The following DNMT1 variants were observed in gnomAD, a reference collection of about 807,000 sequenced individuals.
The protein encoded by DNMT1 is DNA methyltransferase 1, also known as DNA (cytosine-5)-methyltransferase 1.
DNMT1 carries 24 observed loss-of-function variants against 205.3 expected under a neutral mutation model. The observed-to-expected ratio is 0.12, with a 90% CI of 0.08 to 0.16. The LOEUF (loss-of-function observed/expected upper bound fraction) is 0.16, where lower values mean the gene tolerates loss of function less well. Ranked by LOEUF, DNMT1 falls within the 10% of genes least tolerant of loss-of-function variation. The pLI is 1.00. For missense variants in DNMT1, 1,293 were observed against 2,177.7 expected, an observed-to-expected ratio of 0.59 and a Z score of 8.09; for synonymous variants, 817 against 839.8, an observed-to-expected ratio of 0.97 and a Z score of 0.47.
intron 10 of DNMT1, among the ~76,000 whole-genome samples, chr19:10,168,084 C>T (rs554862570): frequency 6.6e-6 from 1 of 152,146 alleles, no homozygotes; most frequent in South Asian, 2.1e-4. Context: ...GATTGCACCA[C>T]TGTACTCCAG....
intron 11 of DNMT1, among the ~76,000 whole-genome samples, chr19:10,163,902 G>A (rs1246343290): frequency 6.6e-6 from 1 of 151,688 alleles, no homozygotes; most frequent in Non-Finnish European, 1.5e-5. Flanking sequence ...ATATATATAT[G>A]ACACAGGCTG....
chr19:10,193,952 G>A (rs905529595), intron 1 of DNMT1, among the ~76,000 whole-genome samples: 9 of 152,244 alleles, frequency 5.9e-5, no homozygotes, highest in Admixed American at 5.2e-4. Context: ...CCTTGTGCAC[G>A]GAAGTTGGAC....
At chr19:10,160,187 G>A (rs1312032972) in intron 14 of DNMT1, 124 bp from the exon 15 acceptor site, 5 of 1,567,396 alleles carry the variant, frequency 3.2e-6, no homozygotes, top group Non-Finnish European at 4.3e-6. Context: ...GTGGCAGTGA[G>A]GCCCAGGCGC....
intron 9 of DNMT1, among the ~76,000 whole-genome samples, chr19:10,170,360 C>T (rs555855696): frequency 9.3e-4 from 141 of 152,054 alleles, no homozygotes; most frequent in Non-Finnish European, 1.8e-3. Flanking sequence ...GTACAGCGGC[C>T]GGATGCAGTG....
At chr19:10,167,377 A>T in intron 10 of DNMT1, among the ~76,000 whole-genome samples, 1 of 151,808 alleles carries the variant, frequency 6.6e-6, no homozygotes, top group Non-Finnish European at 1.5e-5. Context: ...TTGTATTTTT[A>T]TTAGAGACGG....
intron 8 of DNMT1, 144 bp from the exon 9 acceptor site, chr19:10,173,318 G>T: frequency 1.3e-6 from 1 of 794,342 alleles, no homozygotes; most frequent in South Asian, 1.5e-5. Flanking sequence ...TTAACATTTA[G>T]TATTTGATAT....
intron 17 of DNMT1, among the ~76,000 whole-genome samples, chr19:10,157,231 AC>A (rs1287903370): frequency 3.3e-5 from 5 of 151,986 alleles, no homozygotes; most frequent in African/African-American, 1.2e-4. Context: ...CCCGGCAACC[AC>A]CAATCTGCTT....
intron 1 of DNMT1, among the ~76,000 whole-genome samples, chr19:10,190,587 C>G (rs1199823301): frequency 6.6e-6 from 1 of 151,726 alleles, no homozygotes; most frequent in Non-Finnish European, 1.5e-5. Context: ...ACACGGTAAA[C>G]CCCGGTTTCT....
intron 1 of DNMT1, among the ~76,000 whole-genome samples, chr19:10,192,854 C>T (rs2039328394): frequency 6.6e-6 from 1 of 152,070 alleles, no homozygotes; most frequent in Non-Finnish European, 1.5e-5. Flanking sequence ...CGAGACCAGC[C>T]TGACCAACAT....
In DNMT1 at chr19:10,194,896, G is replaced by C. The variant is rs763647098; in HGVS notation, c.4C>G (p.Pro2Ala). 2 of 1,608,224 alleles carry C rather than the reference G, an allele frequency of 1.2e-6. No individual in the cohort carries two copies. The highest frequency in any genetic ancestry group is 1.7e-6 in the Non-Finnish European group (2 of 1,177,650). Residue 2 changes from proline to alanine, a missense_variant, in exon 1 of 41, where the codon CCG (proline) becomes GCG (alanine). By Grantham distance (27) the Pro-to-Ala change is conservative. Transcript: ENST00000359526. The part of the protein sequence containing the change: M[P>A]ARTAPARVPT... Reference sequence around the variant, plus strand: ...ACCCGGGCTGGGGCGGTACGCGCCGGCATCTCGGAGGCTTCAGCAGACGCG... The same window carrying C: ...ACCCGGGCTGGGGCGGTACGCGCCGCCATCTCGGAGGCTTCAGCAGACGCG...
intron 5 of DNMT1, 114 bp downstream of exon 5, chr19:10,180,073 G>A (rs1296813177): frequency 2.1e-6 from 1 of 477,124 alleles, no homozygotes; most frequent in Non-Finnish European, 3.8e-6. Flanking sequence ...CAGCACTTTG[G>A]GAGGCCAAGG....
chr19:10,133,827 AAGTG>A lies in DNMT1; in HGVS notation c.4865-130_4865-127del. The A allele has an allele frequency of 9.4e-7, 1 of 1,062,504 alleles. No homozygotes were observed. Among genetic ancestry groups the A allele is most frequent in the Non-Finnish European group, 1.4e-6 (1 of 703,988 alleles). The allele number at this position is 1,062,504 out of a possible 1,614,324, so 65.8% of individuals were successfully genotyped here. A position where few individuals can be genotyped will look rare whatever the true frequency, so the allele number is the denominator to read the frequency against. On this transcript the variant is annotated intron_variant, in intron 40 of 40. Transcript: ENST00000359526. The surrounding 1 kb of genome is among the most constrained non-coding windows in gnomAD (Gnocchi z 4.1). ...TACTGATGTTAACAGCTGACCCAAT[AAGTG>A]GCAGAGTGCTAAGGGAACGTTCACG...
At chr19:10,182,234 C>T (rs193188174) in intron 1 of DNMT1, among the ~76,000 whole-genome samples, 157 bp from the exon 2 acceptor site, 5 of 152,066 alleles carry the variant, frequency 3.3e-5, no homozygotes, top group Admixed American at 1.3e-4. Flanking sequence ...CCGCAAGAGT[C>T]TAGAGTGTCC....
intron 1 of DNMT1, among the ~76,000 whole-genome samples, chr19:10,191,279 T>C (rs556384088): frequency 2.8e-5 from 4 of 144,340 alleles, no homozygotes; most frequent in South Asian, 4.5e-4. Flanking sequence ...AGACCCTGCC[T>C]CAATTAAAAA....
intron 9 of DNMT1, among the ~76,000 whole-genome samples, chr19:10,171,994 G>A (rs1023046996): frequency 1.9e-4 from 29 of 150,232 alleles, no homozygotes; most frequent in African/African-American, 5.9e-4. Context: ...GTGATAGAGC[G>A]GGAGACTGTC....
At position 10,134,253 on chromosome 19, in the gene DNMT1, G is replaced by A; in HGVS notation, c.4828C>T (p.Leu1610Phe). The change falls in exon 40 of 41, where the codon CTT becomes TTT. Residue 1610 changes from leucine (L) to phenylalanine (F), a missense_variant. By Grantham distance (22) the Leu-to-Phe change is conservative. This residue lies in a region of DNMT1 where 37 missense variants were observed against 36.3 expected (regional missense o/e 1.02). Transcript: ENST00000359526. Reference sequence around the variant, plus strand: ...TCTCGGGCTTTGGCCAACATACAAAGCTTGATCTCCAAGCCAATGGCTTTG... The same window carrying A: ...TCTCGGGCTTTGGCCAACATACAAAACTTGATCTCCAAGCCAATGGCTTTG... ...LAKAIGLEIK[L>F]CMLAKARESA... The A allele has an allele frequency of 6.2e-7, 1 of 1,614,176 alleles. No individual in the cohort carries two copies. The highest frequency in any genetic ancestry group is 8.5e-7 in the Non-Finnish European group (1 of 1,180,046).
chr19:10,138,433 A>G lies in DNMT1; in HGVS notation c.4115+6T>C, dbSNP rs2089535667. ...AGTGTGTGGAGGAGCGACGGGGGCC[A>G]CCTACCTGGTTATGTTGCTCACAAA... On this transcript the variant is annotated splice_donor_region_variant and intron_variant, in intron 35 of 40. Coordinates refer to ENST00000359526, the MANE Select transcript of DNMT1 (RefSeq NM_001130823.3). The surrounding 1 kb of genome is among the most constrained non-coding windows in gnomAD (Gnocchi z 4.1). 3.1e-6 allele frequency: 5 copies of G among 1,613,822 alleles called. No homozygotes were observed. The highest frequency in any genetic ancestry group is 1.6e-4 in the Middle Eastern group (1 of 6,084).
At chr19:10,163,386 G>A in intron 11 of DNMT1, 26 bp from the exon 12 acceptor site, 1 of 1,612,520 alleles carries the variant, frequency 6.2e-7, no homozygotes, top group Non-Finnish European at 8.5e-7. Flanking sequence ...GGGGGAGGTA[G>A]AGAGATAAAG....
In DNMT1 at chr19:10,154,115, C is replaced by T. The variant is rs947685160; in HGVS notation, c.2019+178G>A. On this transcript the variant is annotated intron_variant, in intron 22 of 40. Coordinates refer to ENST00000359526, the MANE Select transcript of DNMT1 (RefSeq NM_001130823.3). The surrounding 1 kb of genome is among the most constrained non-coding windows in gnomAD (Gnocchi z 6.3). ...AAGCATGCCTCTGTGGACATCTGTC[C>T]TATTGACGTTCAATGAAGTATGCAG... 2.0e-4 allele frequency among the ~76,000 whole-genome samples: 30 copies of T among 152,276 alleles called. No individual in the cohort carries two copies. Among genetic ancestry groups the T allele is most frequent in the African/African-American group, 4.3e-4 (18 of 41,570 alleles).
Sources: allele counts gnomAD v4.1 joint callset (sites outside exome capture counted in the v4.1 genomes callset), GRCh38; gene constraint gnomAD v4.1.1; regional missense constraint gnomAD v4.1.1; non-coding constraint Gnocchi (gnomAD v3.1); transcripts MANE v1.5; gene names NCBI Gene and HGNC (gene_info 2026-07-23, HGNC 2026-07-21).